The following P4HA1 variants were observed in gnomAD, a reference collection of about 807,000 sequenced individuals.
The protein encoded by P4HA1 is prolyl 4-hydroxylase subunit alpha-1.
In P4HA1, 24 loss-of-function variants were observed where a neutral mutation model predicts 72.8. That is an observed-to-expected ratio of 0.33 (90% CI 0.24 to 0.46). The LOEUF is 0.46. P4HA1 is among the 20% of genes least tolerant of loss of function. The pLI is 1.00. For synonymous variants in P4HA1, 201 were observed against 218.8 expected, an observed-to-expected ratio of 0.92 and a Z score of 0.72; for missense variants, 446 against 640.6, an observed-to-expected ratio of 0.70 and a Z score of 3.28.
chr10:73,041,049 C>T (rs1258835608), intron 9 of P4HA1, among the ~76,000 whole-genome samples: 1 of 152,106 alleles, frequency 6.6e-6, no homozygotes, highest in Non-Finnish European at 1.5e-5. Context: ...TTAGTTTCTG[C>T]AAATCCTTAC....
chr10:73,095,541 G>C (rs1480039268), intron 1 of P4HA1, among the ~76,000 whole-genome samples: 1 of 142,664 alleles, frequency 7.0e-6, no homozygotes, highest in African/African-American at 2.6e-5. Context: ...AAAAAAAAAA[G>C]AGTAAAAAAT....
At chr10:73,047,205 G>A (rs1009471992) in intron 7 of P4HA1, 104 bp from the exon 8 acceptor site, 3 of 834,346 alleles carry the variant, frequency 3.6e-6, no homozygotes, top group African/African-American at 1.7e-5. Context: ...CATATACAGA[G>A]TATCTCTGGA....
rs758458913 is a variant in P4HA1, at chr10:73,068,840, T to A, written c.463+6A>T. The A allele has an allele frequency of 6.2e-7, 1 of 1,609,638 alleles. No homozygotes were observed. The highest frequency in any genetic ancestry group is 8.5e-7 in the Non-Finnish European group (1 of 1,176,138). Reference sequence around the variant, plus strand: ...GGTATTTTATAGAATGGAAGAATGATCTTACCTGGAAGATTACCCTTTGAG... The same window carrying A: ...GGTATTTTATAGAATGGAAGAATGAACTTACCTGGAAGATTACCCTTTGAG... On this transcript the variant is annotated splice_donor_region_variant and intron_variant, in intron 5 of 14. Transcript: ENST00000394890.
intron 9 of P4HA1, chr10:73,044,033 C>T (rs1048504389): frequency 3.4e-5 from 36 of 1,063,216 alleles, no homozygotes; most frequent in Admixed American, 7.2e-5. Context: ...TTTGTTTTGC[C>T]AAGCCACAGG....
intron 1 of P4HA1, among the ~76,000 whole-genome samples, chr10:73,095,227 TAAAAAAAAAA>T (rs35159575): frequency 7.4e-5 from 5 of 67,312 alleles, no homozygotes; most frequent in Admixed American, 1.9e-4. Context: ...GCTCACAAGC[TAAAAAAAAAA>T]AAAAAAAAAA....
chr10:73,022,334 G>A (rs1032318075), intron 10 of P4HA1, among the ~76,000 whole-genome samples: 5 of 152,176 alleles, frequency 3.3e-5, no homozygotes, highest in African/African-American at 1.2e-4. Context: ...TGCATCCTCT[G>A]CTGGTGATAC....
rs751579208 is a variant in P4HA1 at position 73,068,994 on chromosome 10, A to G, written c.326-11T>C. ...GGTTAGAGATAAAGCCTTGAAATAG[A>G]TAAATCAAAGAAAAAAAAACTGTAG... On this transcript the variant is annotated splice_polypyrimidine_tract_variant and intron_variant, in intron 4 of 14. Coordinates refer to ENST00000394890, the MANE Select transcript of P4HA1 (RefSeq NM_001017962.3). 7 of 1,595,118 alleles carry G rather than the reference A, an allele frequency of 4.4e-6. No homozygotes were observed. In the Admixed American group the frequency reaches 1.2e-4, roughly 28 times the overall value.
intron 10 of P4HA1, among the ~76,000 whole-genome samples, chr10:73,017,737 C>T (rs184397427): frequency 2.5e-3 from 380 of 152,258 alleles, no homozygotes; most frequent in African/African-American, 8.6e-3. Flanking sequence ...CCCAGTGTGA[C>T]GCACCAAAAT....
At chr10:73,091,736 T>C (rs1842036786) in intron 1 of P4HA1, among the ~76,000 whole-genome samples, 2 of 152,208 alleles carry the variant, frequency 1.3e-5, no homozygotes, top group African/African-American at 2.4e-5. Context: ...ATTCTTGTAA[T>C]GGAAATATCT....
chr10:73,026,158 A>C (rs1415767595), intron 10 of P4HA1, among the ~76,000 whole-genome samples: 2 of 152,218 alleles, frequency 1.3e-5, no homozygotes, highest in African/African-American at 4.8e-5. Context: ...GACAATCCTA[A>C]GCCAAAAGAA....
intron 9 of P4HA1, among the ~76,000 whole-genome samples, chr10:73,042,180 A>G (rs889709380): frequency 3.3e-5 from 5 of 152,138 alleles, no homozygotes; most frequent in Admixed American, 6.6e-5. Context: ...AGCTAGTGAT[A>G]GGCAAGAAAA....
intron 6 of P4HA1, among the ~76,000 whole-genome samples, chr10:73,052,072 A>C (rs904679713): frequency 2.6e-5 from 4 of 152,180 alleles, no homozygotes; most frequent in African/African-American, 9.6e-5. Context: ...AGGAAAAGGG[A>C]AACTAAAGAT....
chr10:73,023,358 A>G (rs1840182833), intron 10 of P4HA1, among the ~76,000 whole-genome samples: 1 of 152,244 alleles, frequency 6.6e-6, no homozygotes, highest in South Asian at 2.1e-4. Context: ...TCTTAAAAAA[A>G]AGAATTTTCA....
chr10:73,016,704 G>A (rs1840013917), intron 11 of P4HA1, 142 bp downstream of exon 11: 3 of 487,754 alleles, frequency 6.2e-6, no homozygotes, highest in Admixed American at 3.1e-5. Context: ...TCCAACCCAG[G>A]AGGCAGAGGT....
chr10:73,026,182 A>G (rs1174096854), intron 10 of P4HA1, among the ~76,000 whole-genome samples: 1 of 152,240 alleles, frequency 6.6e-6, no homozygotes, highest in Non-Finnish European at 1.5e-5. Context: ...AGCTGGAGGC[A>G]TCATGCTACC....
intron 10 of P4HA1, among the ~76,000 whole-genome samples, chr10:73,019,641 A>G (rs898718624): frequency 6.9e-6 from 1 of 144,060 alleles, no homozygotes; most frequent in Admixed American, 7.1e-5. Flanking sequence ...GAGGCAGGAG[A>G]ATCGCTTGAA....
intron 5 of P4HA1, among the ~76,000 whole-genome samples, chr10:73,054,485 G>T (rs1364471709): frequency 1.3e-5 from 2 of 152,066 alleles, no homozygotes; most frequent in East Asian, 3.8e-4. Flanking sequence ...TCCCCACCTT[G>T]CCCCAGCCCT....
chr10:73,043,655 T>C (rs1408200338), intron 9 of P4HA1, among the ~76,000 whole-genome samples: 1 of 152,208 alleles, frequency 6.6e-6, no homozygotes, highest in Non-Finnish European at 1.5e-5. Flanking sequence ...TTATCAAAGT[T>C]TGGGGAGCCT....
chr10:73,076,698 T>C (rs1841704451), intron 1 of P4HA1, among the ~76,000 whole-genome samples: 1 of 152,116 alleles, frequency 6.6e-6, no homozygotes, highest in Non-Finnish European at 1.5e-5. Flanking sequence ...TTGCTCCTTC[T>C]CCCCTACAAA....
Sources: gnomAD v4.1 joint callset for allele counts (sites outside exome capture counted in the v4.1 genomes callset) on GRCh38, gnomAD v4.1.1 for gene constraint, MANE v1.5 for transcripts, NCBI Gene and HGNC (gene_info 2026-07-23, HGNC 2026-07-21) for gene names.